KCNQ1: variants seen among roughly 807,000 people sequenced by gnomAD.
The protein encoded by KCNQ1 is potassium voltage-gated channel subfamily KQT member 1.
KCNQ1 carries 49 observed loss-of-function variants against 72.4 expected under a neutral mutation model. The observed-to-expected ratio is 0.68, with a 90% CI of 0.54 to 0.86. The LOEUF (loss-of-function observed/expected upper bound fraction) is 0.86, where lower values mean the gene tolerates loss of function less well. KCNQ1 is among the 40% of genes least tolerant of loss of function. The pLI is 0.00. For missense variants in KCNQ1, 790 were observed against 945.1 expected, an observed-to-expected ratio of 0.84 and a Z score of 2.15; for synonymous variants, 450 against 412.6, an observed-to-expected ratio of 1.09 and a Z score of -1.10.
At chr11:2,740,813 C>T (rs1378983647) in intron 11 of KCNQ1, among the ~76,000 whole-genome samples, 1 of 152,196 alleles carries the variant, frequency 6.6e-6, no homozygotes, top group African/African-American at 2.4e-5. Context: ...CTGTGCGTCC[C>T]CTGCGGCCAC....
Position 2,768,721 on chromosome 11 carries a change from T to C in KCNQ1, c.1515-123T>C. 1.3e-6 allele frequency: 1 copy of C among 795,060 alleles called. No homozygotes were observed. Among genetic ancestry groups the C allele is most frequent in the Non-Finnish European group, 2.2e-6 (1 of 448,880 alleles). 49.3% of individuals were successfully genotyped at this position (795,060 alleles called of 1,614,324 possible). A position where few individuals can be genotyped will look rare whatever the true frequency, so the allele number is the denominator to read the frequency against. Reference sequence around the variant, plus strand: ...GCCTAAGTATCTCCATCCCATGGAGTTGAACACTCTCCTTGTTTCTGGAAG... The same window carrying C: ...GCCTAAGTATCTCCATCCCATGGAGCTGAACACTCTCCTTGTTTCTGGAAG... On this transcript the variant is annotated intron_variant, in intron 11 of 15. Transcript: ENST00000155840. The surrounding 1 kb of genome is among the most constrained non-coding windows in gnomAD (Gnocchi z 6.7).
chr11:2,842,111 G>A (rs1442388232), intron 15 of KCNQ1, among the ~76,000 whole-genome samples: 3 of 152,196 alleles, frequency 2.0e-5, no homozygotes, highest in Non-Finnish European at 4.4e-5. Flanking sequence ...ACAGAGACAA[G>A]GTTGAGGATT....
chr11:2,741,185 G>T (rs943509714), intron 11 of KCNQ1, among the ~76,000 whole-genome samples: 7 of 152,040 alleles, frequency 4.6e-5, no homozygotes, highest in Admixed American at 6.6e-5. Flanking sequence ...AGTGTCTCAG[G>T]GTGGCCTCAG....
intron 15 of KCNQ1, among the ~76,000 whole-genome samples, chr11:2,819,449 A>G (rs1445123203): frequency 6.6e-6 from 1 of 152,254 alleles, no homozygotes; most frequent in African/African-American, 2.4e-5. Context: ...CTGAAACAGC[A>G]GGGTCCAAAC....
chr11:2,604,755 A>T (rs1848856760), intron 10 of KCNQ1, among the ~76,000 whole-genome samples: 2 of 151,970 alleles, frequency 1.3e-5, no homozygotes, highest in African/African-American at 4.8e-5. Context: ...ATGTTGGCCG[A>T]GATGGTCTCG....
chr11:2,725,247 G>A lies in KCNQ1; in HGVS notation c.1515-43597G>A, dbSNP rs146724575. Among the ~76,000 whole-genome samples, 25 of 152,332 alleles carry A rather than the reference G, an allele frequency of 1.6e-4. No homozygotes were observed. The highest frequency in any genetic ancestry group is 5.3e-4 in the African/African-American group (22 of 41,568). The stretch of plus-strand genomic sequence containing the variant: ...TAAGACAAGTTCCCAGAATCCATCC[G>A]GGACAGACGGCTGGACTTGTGAAAC... On this transcript the variant is annotated intron_variant, in intron 11 of 15. Coordinates refer to ENST00000155840, the MANE Select transcript of KCNQ1 (RefSeq NM_000218.3). This position sits in a 1 kb window ranked among gnomAD's most constrained non-coding sequence, Gnocchi z 7.2.
chr11:2,460,676 G>A (rs536399386), intron 1 of KCNQ1, among the ~76,000 whole-genome samples: 1 of 152,354 alleles, frequency 6.6e-6, no homozygotes, highest in South Asian at 2.1e-4. Flanking sequence ...CACTGCTGGG[G>A]AACGCTGGGG....
Position 2,816,550 on chromosome 11 carries a change from G to A in KCNQ1, c.1795-31217G>A, listed in dbSNP as rs114586217. Among the ~76,000 whole-genome samples the A allele has an allele frequency of 3.6e-3, 547 of 152,284 alleles. 7 individuals carry two copies. Among genetic ancestry groups the A allele is most frequent in the African/African-American group, 0.013 (527 of 41,556 alleles). The stretch of plus-strand genomic sequence containing the variant: ...GACTCTGACTGCCTGTCATCCAGAG[G>A]GAGCAAACAGCCACCCTGTGGTGAA... On this transcript the variant is annotated intron_variant, in intron 15 of 15. Coordinates refer to ENST00000155840, the MANE Select transcript of KCNQ1 (RefSeq NM_000218.3). The surrounding 1 kb of genome is among the most constrained non-coding windows in gnomAD (Gnocchi z 6.8).
Position 2,703,879 on chromosome 11 carries a change from C to T in KCNQ1, c.1514+41798C>T, listed in dbSNP as rs1020552933. 6.6e-6 allele frequency among the ~76,000 whole-genome samples: 1 copy of T among 152,230 alleles called. No homozygotes were observed. Among genetic ancestry groups the T allele is most frequent in the Non-Finnish European group, 1.5e-5 (1 of 68,050 alleles). ...CAGGTTCCCAAGTTGCTGCTTCCCT[C>T]GGAAGCTGAGAGGCCCAGGGCCACG... On this transcript the variant is annotated intron_variant, in intron 11 of 15. Transcript: ENST00000155840. The surrounding 1 kb of genome is among the most constrained non-coding windows in gnomAD (Gnocchi z 6.4).
chr11:2,732,099 G>C (rs541675617), intron 11 of KCNQ1, among the ~76,000 whole-genome samples: 1 of 152,220 alleles, frequency 6.6e-6, no homozygotes, highest in African/African-American at 2.4e-5. Flanking sequence ...AATTGTGGGA[G>C]AGCCAGGAGT....
intron 2 of KCNQ1, among the ~76,000 whole-genome samples, chr11:2,553,700 G>T (rs1848026244): frequency 6.6e-6 from 1 of 151,386 alleles, no homozygotes; most frequent in Non-Finnish European, 1.5e-5. Flanking sequence ...TATTTTATAT[G>T]TATTTGTACT....
At chr11:2,616,009 T>G (rs977944866) in intron 10 of KCNQ1, 1 of 398,050 alleles carries the variant, frequency 2.5e-6, no homozygotes, top group Non-Finnish European at 4.4e-6. Flanking sequence ...ATTGGAAGGT[T>G]TTTGGTTACT....
intron 11 of KCNQ1, among the ~76,000 whole-genome samples, chr11:2,753,091 C>T (rs890434379): frequency 1.3e-5 from 2 of 152,194 alleles, no homozygotes; most frequent in Non-Finnish European, 2.9e-5. Context: ...TGCATTCACG[C>T]AGAACTCTCT....
chr11:2,614,346 G>A (rs1362233126), intron 10 of KCNQ1: 1 of 398,248 alleles, frequency 2.5e-6, no homozygotes, highest in East Asian at 3.6e-5. Context: ...AGTCTTCTGT[G>A]CACCCTTTAA....
intron 10 of KCNQ1, chr11:2,643,877 G>T: frequency 2.5e-6 from 1 of 398,486 alleles, no homozygotes; most frequent in East Asian, 3.6e-5. Flanking sequence ...AGTATTCCTG[G>T]CTGGCAGGTT....
rs1850139413 is a variant in KCNQ1, at chr11:2,669,274, T to C, written c.1514+7193T>C. 1 of 398,716 alleles carries C rather than the reference T, an allele frequency of 2.5e-6. No homozygotes were observed. The highest frequency in any genetic ancestry group is 4.4e-6 in the Non-Finnish European group (1 of 226,116). The allele number at this position is 398,716 out of a possible 1,614,324, so 24.7% of individuals were successfully genotyped here. On this transcript the variant is annotated intron_variant, in intron 11 of 15. Coordinates refer to ENST00000155840, the MANE Select transcript of KCNQ1 (RefSeq NM_000218.3). The surrounding 1 kb of genome is among the most constrained non-coding windows in gnomAD (Gnocchi z 5.6). ...TTCCCCATCACTGGCTTTGCTGTCTTTGCAGGGTTTCTCCTCACCATACAT... is the reference window on the plus strand; with the variant it reads ...TTCCCCATCACTGGCTTTGCTGTCTCTGCAGGGTTTCTCCTCACCATACAT...
chr11:2,643,700 T>C, intron 10 of KCNQ1: 1 of 398,568 alleles, frequency 2.5e-6, no homozygotes, highest in Non-Finnish European at 4.4e-6. Flanking sequence ...TGATTTCTGA[T>C]TATTTTGTGT....
At chr11:2,449,398 G>A (rs1846092098) in intron 1 of KCNQ1, among the ~76,000 whole-genome samples, 1 of 152,230 alleles carries the variant, frequency 6.6e-6, no homozygotes, top group Non-Finnish European at 1.5e-5. Context: ...CGGGTCTGAG[G>A]GAGGGGCTTT....
chr11:2,829,081 T>C (rs895313484), intron 15 of KCNQ1, among the ~76,000 whole-genome samples: 8 of 152,210 alleles, frequency 5.3e-5, no homozygotes, highest in East Asian at 1.9e-4. Flanking sequence ...CAGTCAAAAA[T>C]TGTATCTACC....
Sources: allele counts gnomAD v4.1 joint callset (sites outside exome capture counted in the v4.1 genomes callset), GRCh38; gene constraint gnomAD v4.1.1; non-coding constraint Gnocchi (gnomAD v3.1); transcripts MANE v1.5; gene names NCBI Gene and HGNC (gene_info 2026-07-23, HGNC 2026-07-21).